SGCZ: variants seen among roughly 807,000 people sequenced by gnomAD.
SGCZ encodes the protein zeta-sarcoglycan.
A neutral mutation model predicts 41.3 loss-of-function variants in SGCZ; 40 were observed. That is an observed-to-expected ratio of 0.97 (90% CI 0.75 to 1.26). The LOEUF is 1.26. Among genes scored for constraint, SGCZ ranks in the 50% most tolerant of loss-of-function variants. SGCZ has a pLI of 0.00. For synonymous variants in SGCZ, 206 were observed against 137.5 expected (o/e 1.50, Z -3.49); for missense variants, 552 against 369.8 (o/e 1.49, Z -4.04).
intron 3 of SGCZ, among the ~76,000 whole-genome samples, chr8:14,289,624 G>C (rs1212677609): frequency 1.3e-5 from 2 of 151,934 alleles, no homozygotes; most frequent in African/African-American, 4.8e-5. Flanking sequence ...TTTTGGTCAT[G>C]ATAGCTTTGT....
chr8:14,738,723 A>G (rs568757432), intron 1 of SGCZ, among the ~76,000 whole-genome samples: 1 of 152,208 alleles, frequency 6.6e-6, no homozygotes, highest in South Asian at 2.1e-4. Context: ...AGGACATACA[A>G]TGGTAGGTCA....
intron 2 of SGCZ, among the ~76,000 whole-genome samples, chr8:14,394,269 G>A (rs1392892720): frequency 6.6e-6 from 1 of 150,574 alleles, no homozygotes; most frequent in East Asian, 2.0e-4. Flanking sequence ...TCCTGCCTCA[G>A]CCTCCTGAGT....
At chr8:15,069,467 A>T (rs1053789630) in intron 1 of SGCZ, among the ~76,000 whole-genome samples, 14 of 152,192 alleles carry the variant, frequency 9.2e-5, no homozygotes, top group Non-Finnish European at 1.3e-4. Flanking sequence ...GATTTTCAAG[A>T]TCTTATAGCA....
At chr8:15,050,405 G>A (rs753446634) in intron 1 of SGCZ, among the ~76,000 whole-genome samples, 11 of 152,112 alleles carry the variant, frequency 7.2e-5, no homozygotes, top group East Asian at 3.9e-4. Flanking sequence ...AAAAGGGATC[G>A]CCTGGAGAGT....
intron 1 of SGCZ, among the ~76,000 whole-genome samples, chr8:14,697,535 G>C (rs1809003684): frequency 6.6e-6 from 1 of 151,998 alleles, no homozygotes. Flanking sequence ...GTATAAACTT[G>C]TTCTGCTGAT....
chr8:14,428,646 G>C (rs538424640), intron 2 of SGCZ, among the ~76,000 whole-genome samples: 127 of 152,262 alleles, frequency 8.3e-4, no homozygotes, highest in African/African-American at 2.9e-3. Flanking sequence ...ACTGTGTTCA[G>C]CTTTAAAATT....
intron 2 of SGCZ, among the ~76,000 whole-genome samples, chr8:14,525,483 T>C (rs772522834): frequency 2.0e-5 from 3 of 152,158 alleles, no homozygotes; most frequent in Non-Finnish European, 4.4e-5. Context: ...TCATTATTAA[T>C]TGAAAAATAT....
At chr8:15,194,860 A>C (rs563531317) in intron 1 of SGCZ, among the ~76,000 whole-genome samples, 1 of 152,312 alleles carries the variant, frequency 6.6e-6, no homozygotes, top group African/African-American at 2.4e-5. Context: ...CTATAAGGTA[A>C]GTTTGTGTTG....
chr8:14,734,618 C>T (rs1798971869), intron 1 of SGCZ, among the ~76,000 whole-genome samples: 1 of 152,112 alleles, frequency 6.6e-6, no homozygotes, highest in Non-Finnish European at 1.5e-5. Flanking sequence ...AATCACTTCT[C>T]TTTATACTAA....
At chr8:14,990,630 C>T (rs1405768597) in intron 1 of SGCZ, among the ~76,000 whole-genome samples, 1 of 152,088 alleles carries the variant, frequency 6.6e-6, no homozygotes, top group African/African-American at 2.4e-5. Flanking sequence ...AAATCGAGAT[C>T]ATGGCTCTCA....
At chr8:15,113,637 A>G (rs1416539069) in intron 1 of SGCZ, among the ~76,000 whole-genome samples, 2 of 152,140 alleles carry the variant, frequency 1.3e-5, no homozygotes, top group Non-Finnish European at 2.9e-5. Context: ...GGGGCCTCCT[A>G]TATTCCTGCT....
At chr8:14,257,114 A>C (rs1414601551) in intron 3 of SGCZ, among the ~76,000 whole-genome samples, 2 of 152,098 alleles carry the variant, frequency 1.3e-5, no homozygotes, top group Non-Finnish European at 2.9e-5. Context: ...AGATTGCTTT[A>C]ATCCACGACA....
chr8:14,522,607 C>G (rs911073006), intron 2 of SGCZ, among the ~76,000 whole-genome samples: 36 of 151,706 alleles, frequency 2.4e-4, no homozygotes, highest in African/African-American at 8.7e-4. Context: ...TGTCTTCGCT[C>G]TCTCATTTTT....
intron 5 of SGCZ, among the ~76,000 whole-genome samples, chr8:14,116,419 G>A (rs535918328): frequency 3.3e-5 from 5 of 152,048 alleles, no homozygotes; most frequent in East Asian, 1.9e-4. Flanking sequence ...TCTCTCTGCC[G>A]ATGAGAAAAG....
chr8:14,269,585 A>G (rs1183701626), intron 3 of SGCZ, among the ~76,000 whole-genome samples: 3 of 152,116 alleles, frequency 2.0e-5, no homozygotes, highest in Non-Finnish European at 4.4e-5. Context: ...TCAACTTTCA[A>G]GTGATTTATG....
At chr8:15,136,605 T>C (rs974124343) in intron 1 of SGCZ, among the ~76,000 whole-genome samples, 1 of 152,072 alleles carries the variant, frequency 6.6e-6, no homozygotes, top group African/African-American at 2.4e-5. Context: ...TCCTATGCTA[T>C]TTGCCTTATA....
chr8:14,181,380 A>G (rs1433992101), intron 4 of SGCZ, among the ~76,000 whole-genome samples: 1 of 152,212 alleles, frequency 6.6e-6, no homozygotes, highest in Non-Finnish European at 1.5e-5. Context: ...ACAGAACTAA[A>G]GTGACTGTTT....
At chr8:14,236,158 C>T (rs1806752537) in intron 4 of SGCZ, among the ~76,000 whole-genome samples, 1 of 152,150 alleles carries the variant, frequency 6.6e-6, no homozygotes, top group Non-Finnish European at 1.5e-5. Context: ...TCCAACATAA[C>T]AGGAATGAAA....
At chr8:14,995,163 G>C (rs1008339191) in intron 1 of SGCZ, among the ~76,000 whole-genome samples, 4 of 152,236 alleles carry the variant, frequency 2.6e-5, no homozygotes, top group African/African-American at 9.6e-5. Context: ...CATTTGGACA[G>C]GGAGACACTG....
Sources: gnomAD v4.1 joint callset for allele counts (sites outside exome capture counted in the v4.1 genomes callset) on GRCh38, gnomAD v4.1.1 for gene constraint, MANE v1.5 for transcripts, NCBI Gene and HGNC (gene_info 2026-07-23, HGNC 2026-07-21) for gene names.